Variants in PRDM14 observed in about 807,000 individuals in gnomAD.
The protein encoded by PRDM14 is PR domain zinc finger protein 14.
PRDM14 carries 16 observed loss-of-function variants against 48.0 expected under a neutral mutation model. That is an observed-to-expected ratio of 0.33 (90% confidence interval 0.23 to 0.51). PRDM14 has a LOEUF of 0.51. Ranked by LOEUF, PRDM14 falls within the 20% of genes least tolerant of loss-of-function variation. The pLI is 0.97. For synonymous variants in PRDM14, 264 were observed against 276.6 expected (o/e 0.95, Z 0.45); for missense variants, 566 against 719.6 (o/e 0.79, Z 2.44).
intron 5 of PRDM14, among the ~76,000 whole-genome samples, chr8:70,061,165 G>C (rs766872927): frequency 6.6e-6 from 1 of 152,160 alleles, no homozygotes; most frequent in Admixed American, 6.5e-5. Flanking sequence ...ACGTCCAGGG[G>C]TGTCTATGTG....
In PRDM14 at chr8:70,052,437, CTCCTGGTCATCATCAGTAGCCTTAA is replaced by C. The variant is rs1739383740; in HGVS notation, c.1489-158_1489-134del. 80 of 637,834 alleles carry C rather than the reference CTCCTGGTCATCATCAGTAGCCTTAA, an allele frequency of 1.3e-4. 2 individuals are homozygous for C. The South Asian group carries it at 1.6e-3, about 13-fold the overall frequency. 39.5% of individuals were successfully genotyped at this position (637,834 alleles called of 1,614,324 possible). A position where few individuals can be genotyped will look rare whatever the true frequency, so the allele number is the denominator to read the frequency against. ...CCTTGGGTTTTAAGGCCATAGAGCA[CTCCTGGTCATCATCAGTAGCCTTAA>C]TCCGAAAGGACTCCACTGATGTGTC... On this transcript the variant is annotated intron_variant, in intron 7 of 7. Coordinates refer to ENST00000276594, the MANE Select transcript of PRDM14 (RefSeq NM_024504.4).
chr8:70,053,222 G>A (rs1247927807), intron 7 of PRDM14, among the ~76,000 whole-genome samples: 2 of 151,952 alleles, frequency 1.3e-5, no homozygotes, highest in African/African-American at 4.8e-5. Context: ...GTGGGTCCTA[G>A]GATCATACTT....
intron 7 of PRDM14, among the ~76,000 whole-genome samples, chr8:70,054,607 C>T (rs191727939): frequency 3.3e-5 from 5 of 150,230 alleles, no homozygotes; most frequent in East Asian, 3.9e-4. Context: ...GCAACCTCTG[C>T]CTCTGGGTTC....
intron 5 of PRDM14, among the ~76,000 whole-genome samples, chr8:70,061,488 C>G (rs577718881): frequency 3.6e-4 from 55 of 152,268 alleles, no homozygotes; most frequent in Non-Finnish European, 6.5e-4. Flanking sequence ...CAACTGCCAG[C>G]CCCAAGCTGA....
At chr8:70,057,275 G>C (rs991764866) in intron 6 of PRDM14, among the ~76,000 whole-genome samples, 3 of 150,054 alleles carry the variant, frequency 2.0e-5, no homozygotes, top group Non-Finnish European at 4.4e-5. Flanking sequence ...CAATTTCAAA[G>C]AGAGCAAGCA....
In PRDM14 at chr8:70,064,217, C is replaced by T. The variant is rs571929401; in HGVS notation, c.1183+2018G>A. Among the ~76,000 whole-genome samples the T allele has an allele frequency of 5.9e-5, 9 of 152,024 alleles. No homozygotes were observed. The South Asian group carries it at 1.0e-3, about 18-fold the overall frequency. On this transcript the variant is annotated intron_variant, in intron 5 of 7. Transcript: ENST00000276594. ...TTATTTATCATTAGATAAATAATGA[C>T]GGCTGACTGCTCATTATTTATCATT...
rs988047761 is a variant in PRDM14, at chr8:70,068,138, C to T, written c.912+92G>A. The T allele has an allele frequency of 9.9e-6, 14 of 1,418,522 alleles. No individual in the cohort carries two copies. In the Admixed American group the frequency reaches 1.5e-4, roughly 16 times the overall value. 87.9% of individuals were successfully genotyped at this position (1,418,522 alleles called of 1,614,324 possible). A position where few individuals can be genotyped will look rare whatever the true frequency, so the allele number is the denominator to read the frequency against. On this transcript the variant is annotated intron_variant, in intron 4 of 7. Transcript: ENST00000276594. ...TGCCCTGGATGTCCTCTCTCTCTGA[C>T]CAGGACTCTCCCAAAAGGGCAAAGG...
intron 5 of PRDM14, 145 bp downstream of exon 5, chr8:70,066,090 A>C: frequency 1.2e-6 from 1 of 860,162 alleles, no homozygotes; most frequent in East Asian, 2.5e-5. Context: ...TCACCTGGGT[A>C]ATTCCCCCCT....
chr8:70,059,663 C>T (rs942582569), intron 5 of PRDM14, among the ~76,000 whole-genome samples: 1 of 152,142 alleles, frequency 6.6e-6, no homozygotes, highest in Admixed American at 6.5e-5. Context: ...GTGCCAAACA[C>T]CAAGCTTTGA....
At position 70,068,240 on chromosome 8, in the gene PRDM14, A is replaced by G. The variant is rs778489793; in HGVS notation, c.902T>C (p.Val301Ala). The G allele has an allele frequency of 3.1e-6, 5 of 1,614,194 alleles. No individual in the cohort carries two copies. In the East Asian group the frequency reaches 1.1e-4, roughly 36 times the overall value. ...CAGAAACAGATTTACCTCCCACATC[A>G]CAGAATTGTCTCCGTAGGTCTTCAC... is the stretch of plus-strand genomic sequence containing the variant. ...SEVKTYGDNSVMWEIFEDGHL... is the reference protein window; with the variant it reads ...SEVKTYGDNSAMWEIFEDGHL... The change falls in exon 4 of 8, where the codon GTG becomes GCG. Residue 301 changes from valine to alanine, a missense_variant. Physicochemically the swap from Val to Ala is moderately conservative, Grantham distance 64 (BLOSUM62 0). Coordinates refer to ENST00000276594, the MANE Select transcript of PRDM14 (RefSeq NM_024504.4).
rs564841697 is a variant in PRDM14, at chr8:70,057,122, C to T, written c.1386+1518G>A. Among the ~76,000 whole-genome samples the T allele has an allele frequency of 7.0e-4, 107 of 151,938 alleles. 1 individual carries two copies. Among genetic ancestry groups the T allele is most frequent in the African/African-American group, 2.4e-3 (100 of 41,478 alleles). ...GTGGGACTACAGGTGCCCACCACCA[C>T]GCCTGGCTAATTTTTTGTATTTTTA... is the stretch of plus-strand genomic sequence containing the variant. On this transcript the variant is annotated intron_variant, in intron 6 of 7. Coordinates refer to ENST00000276594, the MANE Select transcript of PRDM14 (RefSeq NM_024504.4).
intron 5 of PRDM14, among the ~76,000 whole-genome samples, chr8:70,062,319 A>T (rs1805597999): frequency 6.6e-6 from 1 of 152,192 alleles, no homozygotes; most frequent in African/African-American, 2.4e-5. Flanking sequence ...CATGTTAATA[A>T]CAAATAGGTT....
Position 70,059,224 on chromosome 8 carries a change from G to A in PRDM14, c.1184-382C>T, listed in dbSNP as rs547988766. Reference sequence around the variant, plus strand: ...CCCCTCTTGGCCTCCCAAAGTGCTAGGATTACATGCGTGAGCCACTGTGCC... The same window carrying A: ...CCCCTCTTGGCCTCCCAAAGTGCTAAGATTACATGCGTGAGCCACTGTGCC... On this transcript the variant is annotated intron_variant, in intron 5 of 7. Transcript: ENST00000276594. Among the ~76,000 whole-genome samples the A allele has an allele frequency of 3.9e-5, 6 of 152,156 alleles. No individual in the cohort carries two copies. The South Asian group carries it at 1.2e-3, about 32-fold the overall frequency.
chr8:70,068,230 C>T lies in PRDM14; in HGVS notation c.912G>A (p.Glu304=). The part of the protein sequence containing the change: ...KTYGDNSVMW[E]IFEDGHLSHF... ...GCAGACCCACCAGAAACAGATTTACCTCCCACATCACAGAATTGTCTCCGT... is the reference window on the plus strand; with the variant it reads ...GCAGACCCACCAGAAACAGATTTACTTCCCACATCACAGAATTGTCTCCGT... The change falls in exon 4 of 8, where the codon GAG becomes GAA. Residue 304 remains glutamate, a splice_region_variant and synonymous_variant. Transcript: ENST00000276594. 6.2e-7 allele frequency: 1 copy of T among 1,614,192 alleles called. No homozygotes were observed. Among genetic ancestry groups the T allele is most frequent in the Non-Finnish European group, 8.5e-7 (1 of 1,180,000 alleles).
At chr8:70,070,021 G>T (rs1805740735) in intron 1 of PRDM14, 137 bp from the exon 2 acceptor site, 3 of 560,466 alleles carry the variant, frequency 5.4e-6, no homozygotes, top group Non-Finnish European at 9.4e-6. Flanking sequence ...GTCCGATCCC[G>T]CCAGCCCGCT....
intron 5 of PRDM14, among the ~76,000 whole-genome samples, chr8:70,063,923 T>TA (rs1264191916): frequency 6.6e-6 from 1 of 152,166 alleles, no homozygotes; most frequent in Non-Finnish European, 1.5e-5. Context: ...CCACAGATCA[T>TA]AGAGAATCCC....
Position 70,058,766 on chromosome 8 carries a change from C to T in PRDM14, c.1260G>A (p.Lys420=). 6.2e-7 allele frequency: 1 copy of T among 1,614,104 alleles called. No homozygotes were observed. Among genetic ancestry groups the T allele is most frequent in the South Asian group, 1.1e-5 (1 of 91,084 alleles). Residue 420 remains lysine, a synonymous_variant, in exon 6 of 8, where the codon AAG becomes AAA. Coordinates refer to ENST00000276594, the MANE Select transcript of PRDM14 (RefSeq NM_024504.4). The part of the protein sequence containing the change: ...TYKYYRDKHL[K]YTPCVDKGDR... Reference sequence around the variant, plus strand: ...CGCCCTTGTCCACACAGGGGGTGTACTTGAGGTGCTTATCTCTGTAATATT... The same window carrying T: ...CGCCCTTGTCCACACAGGGGGTGTATTTGAGGTGCTTATCTCTGTAATATT...
rs376645750 is a variant in PRDM14 at position 70,069,146 on chromosome 8, G to A, written c.700+15C>T. On this transcript the variant is annotated intron_variant, in intron 2 of 7. Coordinates refer to ENST00000276594, the MANE Select transcript of PRDM14 (RefSeq NM_024504.4). The stretch of plus-strand genomic sequence containing the variant: ...CCGTCCAATTCGACTCCCAAATGGT[G>A]TGAACTCCCTTTACCAGAGCTGTCT... The A allele has an allele frequency of 1.4e-5, 21 of 1,482,892 alleles. No homozygotes were observed. The African/African-American group carries it at 2.8e-4, about 20-fold the overall frequency. 91.9% of individuals were successfully genotyped at this position (1,482,892 alleles called of 1,614,324 possible). A position where few individuals can be genotyped will look rare whatever the true frequency, so the allele number is the denominator to read the frequency against.
At chr8:70,068,989 C>T (rs1222515526) in intron 2 of PRDM14, among the ~76,000 whole-genome samples, 172 bp downstream of exon 2, 1 of 152,188 alleles carries the variant, frequency 6.6e-6, no homozygotes, top group African/African-American at 2.4e-5. Context: ...TGCAGTTAAG[C>T]AAGCAGGGCC....
Sources: gnomAD v4.1 joint callset for allele counts (sites outside exome capture counted in the v4.1 genomes callset) on GRCh38, gnomAD v4.1.1 for gene constraint, MANE v1.5 for transcripts, NCBI Gene and HGNC (gene_info 2026-07-23, HGNC 2026-07-21) for gene names.